Variants in HTR3A observed in about 807,000 individuals in gnomAD.
The protein encoded by HTR3A is 5-hydroxytryptamine receptor 3A.
HTR3A carries 45 observed loss-of-function variants against 54.8 expected under a neutral mutation model. The ratio of observed to expected loss-of-function variants is 0.82; its 90% CI spans 0.65 to 1.05. The LOEUF (loss-of-function observed/expected upper bound fraction) is 1.05, where lower values mean the gene tolerates loss of function less well. Among genes scored for constraint, HTR3A ranks in the 50% least tolerant of loss-of-function variants. The probability of loss-of-function intolerance (pLI) is 0.00; values close to 1 mark genes in which losing one functional copy is unlikely to be tolerated. For missense variants in HTR3A, 657 were observed against 614.0 expected, an observed-to-expected ratio of 1.07 and a Z score of -0.74; for synonymous variants, 297 against 256.0, an observed-to-expected ratio of 1.16 and a Z score of -1.53.
intron 3 of HTR3A, among the ~76,000 whole-genome samples, chr11:113,979,964 A>C (rs533290003): frequency 6.6e-6 from 1 of 152,310 alleles, no homozygotes; most frequent in East Asian, 1.9e-4. Context: ...CATGCTTGGC[A>C]TAAGTGGGTC....
intron 1 of HTR3A, among the ~76,000 whole-genome samples, chr11:113,976,171 G>T (rs1284258864): frequency 6.6e-6 from 1 of 152,134 alleles, no homozygotes; most frequent in Non-Finnish European, 1.5e-5. Flanking sequence ...AAGAGCTCTG[G>T]GTAAGATGTC....
chr11:113,983,032 C>T (rs1418126282), intron 4 of HTR3A, 88 bp from the exon 5 acceptor site: 3 of 1,506,736 alleles, frequency 2.0e-6, no homozygotes, highest in Admixed American at 1.7e-5. Flanking sequence ...CCGAACTTCA[C>T]TCCCTACCCA....
chr11:113,977,535 C>G lies in HTR3A; in HGVS notation c.68-236C>G, dbSNP rs113630136. The stretch of plus-strand genomic sequence containing the variant: ...TGCCACTTGCTCTTCCAAGCCAGAT[C>G]TCTGCTTTCCTGTCAATGAATGCAT... On this transcript the variant is annotated intron_variant, in intron 1 of 8. Transcript: ENST00000504030. 3.2e-6 allele frequency: 5 copies of G among 1,551,070 alleles called. No homozygotes were observed. The African/African-American group carries it at 6.8e-5, about 21-fold the overall frequency.
chr11:113,985,276 C>T (rs1950475784), intron 5 of HTR3A, among the ~76,000 whole-genome samples: 1 of 151,974 alleles, frequency 6.6e-6, no homozygotes, highest in Admixed American at 6.6e-5. Flanking sequence ...TTCTTTTTAC[C>T]CAACATTAGG....
At chr11:113,976,571 TTGTGTGTGTGTGTG>T (rs34498899) in intron 1 of HTR3A, among the ~76,000 whole-genome samples, 42 of 135,410 alleles carry the variant, frequency 3.1e-4, no homozygotes, top group Middle Eastern at 3.4e-3. Flanking sequence ...AAAAAATAGT[TTGTGTGTGTGTGTG>T]TGTGTGTGTG....
At position 113,986,980 on chromosome 11, in the gene HTR3A, A is replaced by T. The variant is rs1419846972; in HGVS notation, c.1072A>T (p.Arg358Trp). 5 of 1,614,086 alleles carry T rather than the reference A, an allele frequency of 3.1e-6. No homozygotes were observed. In the East Asian group the frequency reaches 1.1e-4, roughly 36 times the overall value. Reference protein sequence around the residue: ...LERIAWLLCLREQSTSQRPPA... With the variant: ...LERIAWLLCLWEQSTSQRPPA... ...GAGAATCGCCTGGCTACTTTGCCTG[A>T]GGGAGCAGTCAACTTCCCAGAGGCC... The change falls in exon 8 of 9, where the codon AGG becomes TGG. Residue 358 changes from arginine to tryptophan, a missense_variant. Physicochemically the swap from Arg to Trp is moderately radical, Grantham distance 101. Transcript: ENST00000504030.
chr11:113,985,132 A>G (rs1950473877), intron 5 of HTR3A, among the ~76,000 whole-genome samples: 1 of 152,206 alleles, frequency 6.6e-6, no homozygotes, highest in African/African-American at 2.4e-5. Context: ...CTAGCACAGT[A>G]TATTTTTCCA....
rs1239271403 is a variant in HTR3A at position 113,986,532 on chromosome 11, GC to G, written c.721del (p.Arg241GlyfsTer48). 1 of 1,612,476 alleles carries G rather than the reference GC, an allele frequency of 6.2e-7. No homozygotes were observed. Among genetic ancestry groups the G allele is most frequent in the Non-Finnish European group, 8.5e-7 (1 of 1,180,030 alleles). ...EMKFYVVIRR[R>X]PLFYVVSLLL... ...TCCGGTCCCAGGTGGTCATCCGCCG[GC>G]GGCCCCTCTTCTATGTGGTCAGCCT... On this transcript the variant is annotated frameshift_variant, in exon 7 of 9. Transcript: ENST00000504030. LOFTEE classifies it high-confidence loss of function.
chr11:113,989,288 G>C lies in HTR3A; in HGVS notation c.1139-177G>C, dbSNP rs951790807. On this transcript the variant is annotated intron_variant, in intron 8 of 8. Coordinates refer to ENST00000504030, the MANE Select transcript of HTR3A (RefSeq NM_000869.6). The surrounding 1 kb of genome is among the most constrained non-coding windows in gnomAD (Gnocchi z 4.4). ...TGAGGCAGGAGAATTGCTTGAACTC[G>C]GGAGGCGGAGGTTGCAGTGAGCTTA... 1.3e-5 allele frequency among the ~76,000 whole-genome samples: 2 copies of C among 152,096 alleles called. No homozygotes were observed. Among genetic ancestry groups the C allele is most frequent in the East Asian group, 3.9e-4 (2 of 5,170 alleles).
Position 113,990,311 on chromosome 11 carries a change from A to G in HTR3A, c.*548A>G, listed in dbSNP as rs910616359. 15 of 348,584 alleles carry G rather than the reference A, an allele frequency of 4.3e-5. No homozygotes were observed. Among genetic ancestry groups the G allele is most frequent in the Non-Finnish European group, 5.1e-5 (9 of 177,206 alleles). The allele number at this position is 348,584 out of a possible 1,614,324, so 21.6% of individuals were successfully genotyped here. ...GAAGAATAAAATGCAGTGAAACCCT[A>G]AACTCTCTTCTTTTTTTTTTCTTTT... is the stretch of plus-strand genomic sequence containing the variant. On this transcript the variant is annotated 3_prime_UTR_variant, in exon 9 of 9. Coordinates refer to ENST00000504030, the MANE Select transcript of HTR3A (RefSeq NM_000869.6).
chr11:113,977,708 G>A, intron 1 of HTR3A, 63 bp from the exon 2 acceptor site: 1 of 1,584,282 alleles, frequency 6.3e-7, no homozygotes, highest in Non-Finnish European at 8.6e-7. Flanking sequence ...TACAAACCAG[G>A]ACAAGAGAAC....
At position 113,989,334 on chromosome 11, in the gene HTR3A, G is replaced by A; in HGVS notation, c.1139-131G>A. The A allele has an allele frequency of 1.0e-6, 1 of 1,003,650 alleles. No individual in the cohort carries two copies. The highest frequency in any genetic ancestry group is 1.6e-6 in the Non-Finnish European group (1 of 644,798). The allele number at this position is 1,003,650 out of a possible 1,614,324, so 62.2% of individuals were successfully genotyped here. ...GCTTAGATCACACCACTGCCCTCCA[G>A]CCTGGGTGACAGAGTGAGAAAAAAA... On this transcript the variant is annotated intron_variant, in intron 8 of 8. Coordinates refer to ENST00000504030, the MANE Select transcript of HTR3A (RefSeq NM_000869.6). The surrounding 1 kb of genome is among the most constrained non-coding windows in gnomAD (Gnocchi z 4.4).
chr11:113,981,147 C>T (rs1461365587), intron 3 of HTR3A, 56 bp from the exon 4 acceptor site: 38 of 1,087,860 alleles, frequency 3.5e-5, no homozygotes, highest in Admixed American at 1.7e-4. Flanking sequence ...GAGTTGCAGG[C>T]GACCCTCACT....
chr11:113,983,886 T>G (rs925312639), intron 5 of HTR3A, among the ~76,000 whole-genome samples: 3 of 152,190 alleles, frequency 2.0e-5, no homozygotes, highest in Admixed American at 6.5e-5. Flanking sequence ...AATGCGAATC[T>G]GACCGTGTCA....
intron 2 of HTR3A, among the ~76,000 whole-genome samples, 154 bp downstream of exon 2, chr11:113,978,076 T>A (rs184508606): frequency 6.6e-6 from 1 of 152,288 alleles, no homozygotes; most frequent in Admixed American, 6.5e-5. Flanking sequence ...TGTAGCATCA[T>A]CTGCACAGCT....
At chr11:113,976,119 G>T (rs1950348559) in intron 1 of HTR3A, among the ~76,000 whole-genome samples, 1 of 152,144 alleles carries the variant, frequency 6.6e-6, no homozygotes, top group Admixed American at 6.5e-5. Context: ...GAGCATACTG[G>T]GGCACAATTA....
chr11:113,983,070 A>C, intron 4 of HTR3A, 50 bp from the exon 5 acceptor site: 5 of 1,609,744 alleles, frequency 3.1e-6, no homozygotes, highest in Non-Finnish European at 4.3e-6. Context: ...AGGCACCCAG[A>C]GCTTGCCCTG....
intron 6 of HTR3A, 100 bp downstream of exon 6, chr11:113,986,275 C>G (rs1950490373): frequency 6.8e-7 from 1 of 1,461,080 alleles, no homozygotes; most frequent in East Asian, 2.3e-5. Flanking sequence ...TTTTTCCAAC[C>G]CCAGGGTTGC....
intron 5 of HTR3A, among the ~76,000 whole-genome samples, 192 bp from the exon 6 acceptor site, chr11:113,985,823 T>C (rs541671993): frequency 1.7e-4 from 26 of 152,276 alleles, no homozygotes; most frequent in African/African-American, 6.0e-4. Context: ...AGTGCGGCCC[T>C]GTGAGATAGG....
Sources: gnomAD v4.1 joint callset for allele counts (sites outside exome capture counted in the v4.1 genomes callset) on GRCh38, gnomAD v4.1.1 for gene constraint, Gnocchi (gnomAD v3.1) non-coding constraint, MANE v1.5 for transcripts, NCBI Gene and HGNC (gene_info 2026-07-23, HGNC 2026-07-21) for gene names.